Variants in BTRC observed in about 807,000 individuals in gnomAD.
The protein encoded by BTRC is F-box/WD repeat-containing protein 1A.
BTRC carries 42 observed loss-of-function variants against 85.5 expected under a neutral mutation model. The observed-to-expected ratio is 0.49, with a 90% CI of 0.38 to 0.64. BTRC has a LOEUF of 0.64. BTRC is among the 30% of genes least tolerant of loss of function. BTRC has a pLI of 0.00. For missense variants in BTRC, 594 were observed against 743.5 expected, an observed-to-expected ratio of 0.80 and a Z score of 2.34; for synonymous variants, 255 against 263.3, an observed-to-expected ratio of 0.97 and a Z score of 0.30.
chr10:101,412,288 C>T (rs1283141610), intron 1 of BTRC, among the ~76,000 whole-genome samples: 1 of 152,136 alleles, frequency 6.6e-6, no homozygotes, highest in Non-Finnish European at 1.5e-5. Flanking sequence ...ATTTTGTTTC[C>T]TCAAGTAAGT....
chr10:101,530,279 C>G (rs1259176995), intron 6 of BTRC, among the ~76,000 whole-genome samples: 3 of 152,148 alleles, frequency 2.0e-5, no homozygotes, highest in East Asian at 1.9e-4. Context: ...TTCTTCTTCC[C>G]TAGCTGCTGC....
At chr10:101,418,447 C>T (rs983511784) in intron 1 of BTRC, among the ~76,000 whole-genome samples, 5 of 151,148 alleles carry the variant, frequency 3.3e-5, no homozygotes, top group East Asian at 1.9e-4. Flanking sequence ...CTTTAAATGG[C>T]GAATAGTTAT....
chr10:101,358,015 T>G (rs1053110795), intron 1 of BTRC, among the ~76,000 whole-genome samples: 2 of 152,140 alleles, frequency 1.3e-5, no homozygotes, highest in African/African-American at 4.8e-5. Flanking sequence ...TGAAAATGAT[T>G]GAGGGAATAT....
At chr10:101,366,988 A>T (rs1192783975) in intron 1 of BTRC, among the ~76,000 whole-genome samples, 2 of 69,724 alleles carry the variant, frequency 2.9e-5, no homozygotes, top group Non-Finnish European at 5.3e-5. Context: ...ATATATTTAT[A>T]TATATTAATA....
chr10:101,388,655 A>G (rs530434550), intron 1 of BTRC, among the ~76,000 whole-genome samples: 8 of 150,860 alleles, frequency 5.3e-5, no homozygotes, highest in Non-Finnish European at 1.2e-4. Flanking sequence ...ACGCTTGGCT[A>G]ATTTTTTTGC....
At position 101,505,401 on chromosome 10, in the gene BTRC, T is replaced by C. The variant is rs945668643; in HGVS notation, c.325-16238T>C. Reference sequence around the variant, plus strand: ...CTGGGAGGCCGAGGCGGGCGGATCATGAGGTCAGGAGATCAAGACCATCCT... The same window carrying C: ...CTGGGAGGCCGAGGCGGGCGGATCACGAGGTCAGGAGATCAAGACCATCCT... On this transcript the variant is annotated intron_variant, in intron 4 of 14. Transcript: ENST00000370187. Among the ~76,000 whole-genome samples, 11 of 150,100 alleles carry C rather than the reference T, an allele frequency of 7.3e-5. No homozygotes were observed. In the South Asian group the frequency reaches 8.4e-4, roughly 11 times the overall value.
chr10:101,452,440 C>T (rs1010555410), intron 2 of BTRC, among the ~76,000 whole-genome samples: 1 of 152,208 alleles, frequency 6.6e-6, no homozygotes, highest in Non-Finnish European at 1.5e-5. Context: ...TCCATTAACC[C>T]CCACTGACAG....
At chr10:101,453,807 G>A (rs11191017) in intron 2 of BTRC, among the ~76,000 whole-genome samples, 20,899 of 152,164 alleles carry the variant, frequency 0.14, 1,854 homozygotes, top group Non-Finnish European at 0.2. Flanking sequence ...CAGCCTCAAA[G>A]TTAGGAATGC....
rs1259719081 is a variant in BTRC, at chr10:101,366,774, ATATAT to A, written c.48+12547_48+12551del. Among the ~76,000 whole-genome samples the A allele has an allele frequency of 5.4e-5, 6 of 110,104 alleles. 1 individual carries two copies. Among genetic ancestry groups the A allele is most frequent in the African/African-American group, 2.0e-4 (6 of 29,892 alleles). The allele number at this position is 110,104 out of a possible 152,430, so 72.2% of individuals were successfully genotyped here. On this transcript the variant is annotated intron_variant, in intron 1 of 14. Coordinates refer to ENST00000370187, the MANE Select transcript of BTRC (RefSeq NM_033637.4). ...GTTTGGACTTAATCTAGTTATATATATATATATATATATATTTTTACATTTATATA... is the reference window on the plus strand; with the variant it reads ...GTTTGGACTTAATCTAGTTATATATAATATATATATTTTTACATTTATATA...
intron 1 of BTRC, among the ~76,000 whole-genome samples, chr10:101,356,103 A>G (rs999158363): frequency 9.9e-5 from 15 of 152,136 alleles, no homozygotes; most frequent in Non-Finnish European, 2.9e-5. Context: ...CCTGGGTTCA[A>G]GCGATTCTCC....
At chr10:101,357,124 G>A (rs371601146) in intron 1 of BTRC, among the ~76,000 whole-genome samples, 4 of 150,446 alleles carry the variant, frequency 2.7e-5, no homozygotes, top group Non-Finnish European at 4.4e-5. Flanking sequence ...GCAAGACTCC[G>A]TCTCAAAAAA....
chr10:101,435,840 A>G (rs1214622653), intron 2 of BTRC, among the ~76,000 whole-genome samples: 1 of 152,080 alleles, frequency 6.6e-6, no homozygotes, highest in Non-Finnish European at 1.5e-5. Flanking sequence ...TGTTAATGAA[A>G]TGTCTCATTT....
intron 3 of BTRC, among the ~76,000 whole-genome samples, chr10:101,477,902 G>A (rs1027949688): frequency 4.6e-5 from 7 of 151,842 alleles, no homozygotes; most frequent in Non-Finnish European, 8.8e-5. Flanking sequence ...TTCCCACCTC[G>A]GCTTCCCAAA....
intron 1 of BTRC, among the ~76,000 whole-genome samples, chr10:101,426,748 AT>A (rs1944261818): frequency 6.6e-6 from 1 of 152,176 alleles, no homozygotes; most frequent in Admixed American, 6.5e-5. Context: ...AAATATGTAT[AT>A]TTTAATTTTA....
chr10:101,448,058 G>T (rs1032930779), intron 2 of BTRC, among the ~76,000 whole-genome samples: 1 of 152,074 alleles, frequency 6.6e-6, no homozygotes, highest in African/African-American at 2.4e-5. Flanking sequence ...GAAAGCAATG[G>T]CAGCATAATC....
intron 2 of BTRC, among the ~76,000 whole-genome samples, chr10:101,442,960 C>G (rs1293154648): frequency 6.8e-6 from 1 of 147,042 alleles, no homozygotes; most frequent in Non-Finnish European, 1.5e-5. Context: ...CGGCTCACTG[C>G]AAGCTCTGCC....
intron 2 of BTRC, among the ~76,000 whole-genome samples, chr10:101,435,401 A>G (rs1944502277): frequency 1.3e-5 from 2 of 152,182 alleles, no homozygotes; most frequent in African/African-American, 4.8e-5. Context: ...TTTGTCACCA[A>G]GAATTTGTGT....
chr10:101,532,571 A>G, intron 8 of BTRC, 139 bp downstream of exon 8: 1 of 1,169,152 alleles, frequency 8.6e-7, no homozygotes, highest in Non-Finnish European at 1.2e-6. Context: ...CCCAAAGCCA[A>G]AATCATTTCC....
At chr10:101,487,937 A>G (rs966202844) in intron 4 of BTRC, among the ~76,000 whole-genome samples, 25 of 152,214 alleles carry the variant, frequency 1.6e-4, no homozygotes, top group Non-Finnish European at 1.3e-4. Context: ...AGGCTTAAGA[A>G]ATACTGCCTA....
Sources: allele counts gnomAD v4.1 joint callset (sites outside exome capture counted in the v4.1 genomes callset), GRCh38; gene constraint gnomAD v4.1.1; transcripts MANE v1.5; gene names NCBI Gene and HGNC (gene_info 2026-07-23, HGNC 2026-07-21).